Variants in STAC observed in about 807,000 individuals in gnomAD.
STAC encodes SH3 and cysteine rich domain, also known as SH3 and cysteine-rich domain-containing protein.
Under a neutral mutation model 48.8 loss-of-function variants are expected in STAC, and 43 were observed. The ratio of observed to expected loss-of-function variants is 0.88; its 90% CI spans 0.69 to 1.14. STAC has a LOEUF of 1.14. Among genes scored for constraint, STAC ranks in the 50% most tolerant of loss-of-function variants. The pLI is 0.00. For synonymous variants in STAC, 193 were observed against 179.5 expected, an observed-to-expected ratio of 1.07 and a Z score of -0.60; for missense variants, 497 against 504.0, an observed-to-expected ratio of 0.99 and a Z score of 0.13.
At chr3:36,408,441 C>T (rs576319250) in intron 1 of STAC, among the ~76,000 whole-genome samples, 35 of 152,252 alleles carry the variant, frequency 2.3e-4, no homozygotes, top group African/African-American at 7.7e-4. Context: ...CCTCTTTTTC[C>T]TTTCTAATAA....
chr3:36,489,865 C>G (rs551126128), intron 5 of STAC, among the ~76,000 whole-genome samples: 2 of 152,296 alleles, frequency 1.3e-5, no homozygotes, highest in South Asian at 4.1e-4. Flanking sequence ...TGGCAATGAG[C>G]TAAATCAGTG....
Position 36,528,946 on chromosome 3 carries a change from G to C in STAC, c.1071G>C (p.Gly357=). 1 of 1,613,222 alleles carries C rather than the reference G, an allele frequency of 6.2e-7. No individual in the cohort carries two copies. The highest frequency in any genetic ancestry group is 8.5e-7 in the Non-Finnish European group (1 of 1,179,508). Residue 357 remains glycine, a synonymous_variant, in exon 10 of 11, where the codon GGG becomes GGC. Transcript: ENST00000273183. ...TTAGATGTGTTAGAACCTTCATTGG[G>C]TGTAAGGAACAGGGGCAGATAACAC... ...KIFRCVRTFI[G]CKEQGQITLK...
chr3:36,452,852 A>G (rs1696722292), intron 2 of STAC, among the ~76,000 whole-genome samples: 1 of 152,222 alleles, frequency 6.6e-6, no homozygotes, highest in East Asian at 1.9e-4. Context: ...CCCTGCCACT[A>G]TAAGCCGAAG....
chr3:36,464,547 A>C (rs573102020), intron 2 of STAC, among the ~76,000 whole-genome samples: 232 of 152,276 alleles, frequency 1.5e-3, no homozygotes, highest in African/African-American at 4.9e-3. Context: ...TTACTTGAGC[A>C]GTGTACACTG....
At chr3:36,479,787 C>T (rs1022612865) in intron 2 of STAC, among the ~76,000 whole-genome samples, 2 of 152,192 alleles carry the variant, frequency 1.3e-5, no homozygotes, top group Non-Finnish European at 2.9e-5. Flanking sequence ...GGGTCACTTG[C>T]AGCAATGACT....
In STAC at chr3:36,412,249, C is replaced by T. The variant is rs1019235185; in HGVS notation, c.112-31115C>T. On this transcript the variant is annotated intron_variant, in intron 1 of 10. Transcript: ENST00000273183. Reference sequence around the variant, plus strand: ...AGGGCTGCTGTAGCTTTTGACATTACGCCTATGTTCTGGACAAGAAGGAAA... The same window carrying T: ...AGGGCTGCTGTAGCTTTTGACATTATGCCTATGTTCTGGACAAGAAGGAAA... Among the ~76,000 whole-genome samples, 9 of 152,036 alleles carry T rather than the reference C, an allele frequency of 5.9e-5. No individual in the cohort carries two copies. The South Asian group carries it at 6.2e-4, about 11-fold the overall frequency.
At chr3:36,527,519 T>C (rs548055440) in intron 8 of STAC, among the ~76,000 whole-genome samples, 48 of 151,692 alleles carry the variant, frequency 3.2e-4, no homozygotes, top group East Asian at 9.7e-4. Context: ...AAATAAATGA[T>C]CAGGAAAATA....
chr3:36,495,822 A>G (rs1335215283), intron 6 of STAC, among the ~76,000 whole-genome samples: 1 of 152,234 alleles, frequency 6.6e-6, no homozygotes, highest in Non-Finnish European at 1.5e-5. Flanking sequence ...ACTACCCTAA[A>G]TGTGGCTCAT....
intron 8 of STAC, among the ~76,000 whole-genome samples, chr3:36,516,859 C>T (rs536415110): frequency 6.6e-6 from 1 of 152,242 alleles, no homozygotes; most frequent in South Asian, 2.1e-4. Flanking sequence ...ATTTTAGATA[C>T]CTTCTCTTCA....
chr3:36,403,620 T>G (rs1227435652), intron 1 of STAC, among the ~76,000 whole-genome samples: 6 of 151,240 alleles, frequency 4.0e-5, no homozygotes, highest in Admixed American at 6.6e-5. Flanking sequence ...TGTGAAAAAA[T>G]GAAAAATAAA....
intron 5 of STAC, 67 bp from the exon 6 acceptor site, chr3:36,493,084 A>C: frequency 6.7e-7 from 1 of 1,484,562 alleles, no homozygotes; most frequent in South Asian, 1.2e-5. Context: ...TCTTACACCA[A>C]AGTATCTGCT....
At chr3:36,396,514 T>C (rs547770272) in intron 1 of STAC, among the ~76,000 whole-genome samples, 27 of 152,226 alleles carry the variant, frequency 1.8e-4, no homozygotes, top group Non-Finnish European at 3.2e-4. Context: ...GTGCTTTCCA[T>C]CTCACAGAAG....
At chr3:36,478,635 C>T (rs1559506942) in intron 2 of STAC, among the ~76,000 whole-genome samples, 1 of 152,176 alleles carries the variant, frequency 6.6e-6, no homozygotes, top group African/African-American at 2.4e-5. Flanking sequence ...ACTGGGACTA[C>T]AGGCACACGT....
intron 7 of STAC, 146 bp downstream of exon 7, chr3:36,504,603 G>A (rs1304522808): frequency 4.5e-6 from 3 of 659,344 alleles, no homozygotes; most frequent in Admixed American, 5.1e-5. Flanking sequence ...ACGTACCATA[G>A]CATGGAATAA....
At chr3:36,480,512 T>C (rs1697613655) in intron 2 of STAC, among the ~76,000 whole-genome samples, 1 of 152,156 alleles carries the variant, frequency 6.6e-6, no homozygotes, top group African/African-American at 2.4e-5. Flanking sequence ...GCATGCCAGG[T>C]TCTTACCCCC....
chr3:36,523,860 A>G (rs938523079), intron 8 of STAC, among the ~76,000 whole-genome samples: 1 of 152,240 alleles, frequency 6.6e-6, no homozygotes, highest in African/African-American at 2.4e-5. Flanking sequence ...CTTTGATGAC[A>G]TCGCACAACA....
intron 1 of STAC, among the ~76,000 whole-genome samples, chr3:36,425,300 GA>G (rs1408895299): frequency 6.6e-6 from 1 of 152,074 alleles, no homozygotes; most frequent in Non-Finnish European, 1.5e-5. Flanking sequence ...CTAGTCTTAT[GA>G]AAAATACATA....
Position 36,546,314 on chromosome 3 carries a change from G to A in STAC, c.*25G>A. ...ATTGCTGGCTCCTCCTCCGTTTGCAGTAGGCAAGCTCTGCTGCGATGCCTC... is the reference window on the plus strand; with the variant it reads ...ATTGCTGGCTCCTCCTCCGTTTGCAATAGGCAAGCTCTGCTGCGATGCCTC... On this transcript the variant is annotated 3_prime_UTR_variant, in exon 11 of 11. Transcript: ENST00000273183. 6 of 1,600,900 alleles carry A rather than the reference G, an allele frequency of 3.7e-6. No homozygotes were observed. Among genetic ancestry groups the A allele is most frequent in the Non-Finnish European group, 5.1e-6 (6 of 1,168,034 alleles).
intron 2 of STAC, among the ~76,000 whole-genome samples, chr3:36,450,959 T>C (rs572694776): frequency 6.6e-6 from 1 of 152,358 alleles, no homozygotes; most frequent in African/African-American, 2.4e-5. Context: ...TCATGTTCTG[T>C]AAGTGCTTCT....
Sources: gnomAD v4.1 joint callset for allele counts (sites outside exome capture counted in the v4.1 genomes callset) on GRCh38, gnomAD v4.1.1 for gene constraint, MANE v1.5 for transcripts, NCBI Gene and HGNC (gene_info 2026-07-23, HGNC 2026-07-21) for gene names.